Variants in GALNT17 observed in about 807,000 individuals in gnomAD.
GALNT17 encodes the protein polypeptide N-acetylgalactosaminyltransferase 17, also known as UDP-GalNAc:polypeptide N-acetylgalactosaminyltransferase-like 3.
In GALNT17, 29 loss-of-function variants were observed where a neutral mutation model predicts 63.7. The ratio of observed to expected loss-of-function variants is 0.46; its 90% CI spans 0.34 to 0.62. GALNT17 has a LOEUF of 0.62. Among genes scored for constraint, GALNT17 ranks in the 20% least tolerant of loss-of-function variants. GALNT17 has a pLI of 0.01. For synonymous variants in GALNT17, 305 were observed against 318.3 expected, an observed-to-expected ratio of 0.96 and a Z score of 0.45; for missense variants, 603 against 799.6, an observed-to-expected ratio of 0.75 and a Z score of 2.97.
intron 5 of GALNT17, among the ~76,000 whole-genome samples, chr7:71,471,319 C>A (rs1004804399): frequency 4.6e-5 from 7 of 151,130 alleles, no homozygotes; most frequent in Non-Finnish European, 1.0e-4. Flanking sequence ...CTCAGGGGAT[C>A]CGCCTACTTC....
chr7:71,242,029 G>A (rs1420940813), intron 1 of GALNT17, among the ~76,000 whole-genome samples: 1 of 152,112 alleles, frequency 6.6e-6, no homozygotes, highest in African/African-American at 2.4e-5. Context: ...CATGGCTGAA[G>A]AGGAAGGGCA....
intron 5 of GALNT17, among the ~76,000 whole-genome samples, chr7:71,535,028 C>G (rs1788782189): frequency 6.6e-6 from 1 of 152,142 alleles, no homozygotes; most frequent in African/African-American, 2.4e-5. Context: ...ATACAACCCT[C>G]GTCCCCCAAA....
At chr7:71,550,375 TG>T (rs1180612153) in intron 5 of GALNT17, among the ~76,000 whole-genome samples, 2 of 150,508 alleles carry the variant, frequency 1.3e-5, no homozygotes, top group East Asian at 4.2e-4. Context: ...TTTGTTTTTT[TG>T]TGTGTGTTTT....
At chr7:71,533,535 C>CT (rs2116786386) in intron 5 of GALNT17, among the ~76,000 whole-genome samples, 1 of 151,708 alleles carries the variant, frequency 6.6e-6, no homozygotes, top group East Asian at 1.9e-4. Context: ...ACTTTAACAG[C>CT]TGGGGGGCAG....
intron 5 of GALNT17, among the ~76,000 whole-genome samples, chr7:71,421,428 T>C (rs1786663399): frequency 6.6e-6 from 1 of 152,212 alleles, no homozygotes; most frequent in African/African-American, 2.4e-5. Context: ...AGTTTGAAAG[T>C]TATTTTTTCT....
At chr7:71,152,026 ATATT>A (rs771886741) in intron 1 of GALNT17, among the ~76,000 whole-genome samples, 1 of 152,194 alleles carries the variant, frequency 6.6e-6, no homozygotes, top group African/African-American at 2.4e-5. Flanking sequence ...TCGGGGAAGA[ATATT>A]TAAGAGCTCT....
At chr7:71,314,777 C>T (rs1483706091) in intron 1 of GALNT17, among the ~76,000 whole-genome samples, 3 of 151,996 alleles carry the variant, frequency 2.0e-5, no homozygotes, top group African/African-American at 4.8e-5. Flanking sequence ...TGTGGTGGTA[C>T]ATGCCTGTAG....
intron 1 of GALNT17, among the ~76,000 whole-genome samples, chr7:71,184,958 T>C (rs930325852): frequency 1.0e-5 from 1 of 99,256 alleles, no homozygotes. Context: ...CTTCCTTCCT[T>C]CCTTCCTTCC....
intron 1 of GALNT17, among the ~76,000 whole-genome samples, chr7:71,278,388 C>G (rs1367677146): frequency 2.0e-5 from 3 of 152,194 alleles, no homozygotes; most frequent in Non-Finnish European, 2.9e-5. Flanking sequence ...AAGAATCCTT[C>G]CTTGCCACTT....
At chr7:71,670,224 G>C (rs1031353394) in intron 8 of GALNT17, 115 bp downstream of exon 8, 5 of 1,434,610 alleles carry the variant, frequency 3.5e-6, no homozygotes, top group African/African-American at 1.4e-5. Context: ...GTTTTTGGAG[G>C]TGCTGGCCCT....
At chr7:71,447,843 C>G (rs1374301138) in intron 5 of GALNT17, among the ~76,000 whole-genome samples, 1 of 152,164 alleles carries the variant, frequency 6.6e-6, no homozygotes, top group Non-Finnish European at 1.5e-5. Flanking sequence ...TCAGTCCTCT[C>G]AGCAACCTTA....
In GALNT17 at chr7:71,324,948, A is replaced by G. The variant is rs115943689; in HGVS notation, c.239-10602A>G. Among the ~76,000 whole-genome samples the G allele has an allele frequency of 4.6e-3, 696 of 152,226 alleles. 4 individuals carry two copies. The highest frequency in any genetic ancestry group is 0.016 in the African/African-American group (669 of 41,544). On this transcript the variant is annotated intron_variant, in intron 1 of 10. Coordinates refer to ENST00000333538, the MANE Select transcript of GALNT17 (RefSeq NM_022479.3). ...AATGGGGCTATCTTTTCTTTTGGCA[A>G]TATTTCCTGACAAGCTCTTGTGTTC...
intron 5 of GALNT17, among the ~76,000 whole-genome samples, chr7:71,432,840 C>T (rs1356301117): frequency 1.3e-5 from 2 of 152,250 alleles, no homozygotes; most frequent in East Asian, 3.9e-4. Context: ...GACAGAGTCT[C>T]ACTCCATCAC....
intron 1 of GALNT17, among the ~76,000 whole-genome samples, chr7:71,141,431 A>G (rs1383020251): frequency 6.6e-6 from 1 of 151,952 alleles, no homozygotes; most frequent in Admixed American, 6.6e-5. Context: ...ACTGTCACTT[A>G]TTACCTCTGT....
intron 5 of GALNT17, among the ~76,000 whole-genome samples, chr7:71,533,933 T>C (rs1788760249): frequency 6.6e-6 from 1 of 152,010 alleles, no homozygotes; most frequent in South Asian, 2.1e-4. Context: ...GGGTCTGGCG[T>C]CTCTTTAAAT....
intron 5 of GALNT17, among the ~76,000 whole-genome samples, chr7:71,498,382 T>G (rs1404210498): frequency 6.6e-6 from 1 of 151,586 alleles, no homozygotes; most frequent in African/African-American, 2.4e-5. Context: ...GAGGCTGAGG[T>G]AGGAGAATCA....
intron 6 of GALNT17, among the ~76,000 whole-genome samples, chr7:71,595,645 A>G (rs10950271): frequency 0.86 from 128,116 of 149,144 alleles, 55,744 homozygotes; most frequent in East Asian, 0.99. Flanking sequence ...TAAGATGCAT[A>G]GAGAGAGAGA....
At chr7:71,671,317 G>A (rs539415098) in intron 8 of GALNT17, among the ~76,000 whole-genome samples, 1 of 152,238 alleles carries the variant, frequency 6.6e-6, no homozygotes, top group South Asian at 2.1e-4. Context: ...CTCTGCAATC[G>A]GGTTTTCTTT....
At chr7:71,536,065 A>C (rs1434889418) in intron 5 of GALNT17, among the ~76,000 whole-genome samples, 1 of 152,202 alleles carries the variant, frequency 6.6e-6, no homozygotes, top group Non-Finnish European at 1.5e-5. Flanking sequence ...TCAACTGACT[A>C]TTTGAGTCTG....
Sources: gnomAD v4.1 joint callset for allele counts (sites outside exome capture counted in the v4.1 genomes callset) on GRCh38, gnomAD v4.1.1 for gene constraint, MANE v1.5 for transcripts, NCBI Gene and HGNC (gene_info 2026-07-23, HGNC 2026-07-21) for gene names.